The following TMEFF1 variants were observed in gnomAD, a reference collection of about 807,000 sequenced individuals.
TMEFF1 encodes tomoregulin-1.
A neutral mutation model predicts 47.5 loss-of-function variants in TMEFF1; 20 were observed. The ratio of observed to expected loss-of-function variants is 0.42; its 90% CI spans 0.30 to 0.61. TMEFF1 has a LOEUF of 0.61. Ranked by LOEUF, TMEFF1 falls within the 20% of genes least tolerant of loss-of-function variation. The pLI is 0.19. For synonymous variants in TMEFF1, 162 were observed against 166.3 expected (o/e 0.97, Z 0.20); for missense variants, 411 against 471.1 (o/e 0.87, Z 1.18).
At chr9:100,513,798 A>G (rs538312223) in intron 4 of TMEFF1, among the ~76,000 whole-genome samples, 55 of 152,298 alleles carry the variant, frequency 3.6e-4, no homozygotes, top group Middle Eastern at 3.4e-3. Flanking sequence ...GCTCATCAGG[A>G]ATTTTCATGG....
intron 3 of TMEFF1, among the ~76,000 whole-genome samples, chr9:100,510,636 A>AT (rs897127807): frequency 5.7e-4 from 84 of 147,660 alleles, no homozygotes; most frequent in Non-Finnish European, 9.8e-4. Flanking sequence ...TGCCAGGTTC[A>AT]TTTTTTTTTT....
intron 5 of TMEFF1, among the ~76,000 whole-genome samples, chr9:100,528,443 T>C (rs2118433753): frequency 6.8e-6 from 1 of 146,680 alleles, no homozygotes; most frequent in South Asian, 2.3e-4. Flanking sequence ...ACGTGAAGAA[T>C]GCAGAAGCCT....
chr9:100,519,338 G>T (rs1484957542), intron 5 of TMEFF1, among the ~76,000 whole-genome samples: 1 of 152,026 alleles, frequency 6.6e-6, no homozygotes, highest in African/African-American at 2.4e-5. Flanking sequence ...AACCTGGTAG[G>T]CAGAGGTTTC....
intron 9 of TMEFF1, among the ~76,000 whole-genome samples, chr9:100,574,895 G>A (rs139534594): frequency 0.019 from 2,937 of 152,132 alleles, 94 homozygotes; most frequent in Non-Finnish European, 0.022. Flanking sequence ...TTTGAAGTAG[G>A]TACCCTCTAG....
At chr9:100,509,254 G>C in intron 3 of TMEFF1, 120 bp downstream of exon 3, 1 of 1,293,486 alleles carries the variant, frequency 7.7e-7, no homozygotes, top group East Asian at 3.0e-5. Flanking sequence ...TGGTTGTTGC[G>C]GGGAGTAGGG....
At chr9:100,499,622 G>C (rs1362189062) in intron 2 of TMEFF1, among the ~76,000 whole-genome samples, 1 of 152,120 alleles carries the variant, frequency 6.6e-6, no homozygotes, top group Non-Finnish European at 1.5e-5. Context: ...ACAGAAATCA[G>C]AAACGAAAGC....
rs562489801 is a variant in TMEFF1, at chr9:100,489,467, A to G, written c.197-9298A>G. On this transcript the variant is annotated intron_variant, in intron 1 of 9. Transcript: ENST00000374879. ...TGGCCTCCCAAAGTGTTGGGATTAC[A>G]GGCGTGAGGCACTGCACCCTGCCTA... is the stretch of plus-strand genomic sequence containing the variant. Among the ~76,000 whole-genome samples, 3 of 152,346 alleles carry G rather than the reference A, an allele frequency of 2.0e-5. No individual in the cohort carries two copies. The South Asian group carries it at 6.2e-4, about 32-fold the overall frequency.
At chr9:100,497,016 C>T (rs1320925105) in intron 1 of TMEFF1, among the ~76,000 whole-genome samples, 1 of 152,142 alleles carries the variant, frequency 6.6e-6, no homozygotes, top group Non-Finnish European at 1.5e-5. Flanking sequence ...TTCCTTTTGT[C>T]TGAAGATGTG....
In TMEFF1 at chr9:100,554,347, G is replaced by C. The variant is rs551513477; in HGVS notation, c.775+4187G>C. ...AGAATGTCATGGAGCTTGGTGGAGA[G>C]TCATATAGAGGATGATTAGCAGGCT... is the stretch of plus-strand genomic sequence containing the variant. On this transcript the variant is annotated intron_variant, in intron 7 of 9. Coordinates refer to ENST00000374879, the MANE Select transcript of TMEFF1 (RefSeq NM_003692.5). Among the ~76,000 whole-genome samples, 5 of 152,264 alleles carry C rather than the reference G, an allele frequency of 3.3e-5. No individual in the cohort carries two copies. In the South Asian group the frequency reaches 1.0e-3, roughly 32 times the overall value.
At chr9:100,520,669 T>TAA (rs1361949869) in intron 5 of TMEFF1, among the ~76,000 whole-genome samples, 1 of 152,244 alleles carries the variant, frequency 6.6e-6, no homozygotes, top group African/African-American at 2.4e-5. Context: ...ACATATGTAG[T>TAA]ATATTACAGT....
intron 1 of TMEFF1, among the ~76,000 whole-genome samples, chr9:100,479,839 A>G (rs769252175): frequency 2.2e-4 from 33 of 152,146 alleles, no homozygotes; most frequent in Non-Finnish European, 4.4e-4. Context: ...TTCATGGACA[A>G]GTTTTTTGTG....
intron 5 of TMEFF1, among the ~76,000 whole-genome samples, chr9:100,538,363 G>T (rs1838560581): frequency 6.6e-6 from 1 of 152,180 alleles, no homozygotes; most frequent in Admixed American, 6.5e-5. Context: ...GCCAGAAACA[G>T]AATTTTAGCA....
chr9:100,523,983 C>T (rs1838212553), intron 5 of TMEFF1, among the ~76,000 whole-genome samples: 1 of 151,994 alleles, frequency 6.6e-6, no homozygotes, highest in South Asian at 2.1e-4. Context: ...TTAGTGCTGC[C>T]AATTCAAAAG....
intron 2 of TMEFF1, among the ~76,000 whole-genome samples, chr9:100,506,163 C>CAT (rs1315177796): frequency 5.3e-5 from 8 of 152,086 alleles, no homozygotes; most frequent in African/African-American, 1.7e-4. Context: ...GGTAGCATGC[C>CAT]ATATGTATGC....
At chr9:100,571,340 A>C (rs960516910) in intron 8 of TMEFF1, among the ~76,000 whole-genome samples, 13 of 145,708 alleles carry the variant, frequency 8.9e-5, no homozygotes, top group African/African-American at 3.0e-4. Flanking sequence ...AATTGAAAAT[A>C]ACTGACATGT....
intron 5 of TMEFF1, among the ~76,000 whole-genome samples, chr9:100,541,923 T>G (rs1838641532): frequency 6.6e-6 from 1 of 152,190 alleles, no homozygotes; most frequent in Non-Finnish European, 1.5e-5. Context: ...ATTTTGAACT[T>G]TTGGTGTCAT....
intron 1 of TMEFF1, among the ~76,000 whole-genome samples, chr9:100,493,636 T>C (rs1266534617): frequency 6.6e-6 from 1 of 152,204 alleles, no homozygotes; most frequent in East Asian, 1.9e-4. Context: ...AGTACTTCTT[T>C]GTGTAAAACA....
rs745395757 is a variant in TMEFF1 at position 100,498,890 on chromosome 9, C to T, written c.306+16C>T. ...CCAATTTCAGGTGAGGAAACCCAGCCTATTTTGAAAAGTTTTATATTCTTC... is the reference window on the plus strand; with the variant it reads ...CCAATTTCAGGTGAGGAAACCCAGCTTATTTTGAAAAGTTTTATATTCTTC... On this transcript the variant is annotated intron_variant, in intron 2 of 9. Transcript: ENST00000374879. 1.9e-5 allele frequency: 31 copies of T among 1,603,916 alleles called. No individual in the cohort carries two copies. Among genetic ancestry groups the T allele is most frequent in the Admixed American group, 5.3e-5 (3 of 56,518 alleles).
chr9:100,497,911 A>G (rs1014174033), intron 1 of TMEFF1, among the ~76,000 whole-genome samples: 1 of 150,970 alleles, frequency 6.6e-6, no homozygotes, highest in South Asian at 2.1e-4. Context: ...CTACACTGGG[A>G]TGGTTTTTTT....
Sources: gnomAD v4.1 joint callset for allele counts (sites outside exome capture counted in the v4.1 genomes callset) on GRCh38, gnomAD v4.1.1 for gene constraint, MANE v1.5 for transcripts, NCBI Gene and HGNC (gene_info 2026-07-23, HGNC 2026-07-21) for gene names.